Variants in LIPC observed in about 807,000 individuals in gnomAD.
LIPC encodes the protein hepatic triacylglycerol lipase.
Under a neutral mutation model 50.7 loss-of-function variants are expected in LIPC, and 44 were observed. The observed-to-expected ratio is 0.87, with a 90% confidence interval of 0.68 to 1.11. The LOEUF is 1.11. LIPC is among the 50% of genes most tolerant of loss of function. The pLI, the probability that LIPC is intolerant of heterozygous loss-of-function variation, is 0.00. For missense variants in LIPC, 697 were observed against 648.2 expected, an observed-to-expected ratio of 1.08 and a Z score of -0.82; for synonymous variants, 271 against 256.4, an observed-to-expected ratio of 1.06 and a Z score of -0.54.
At chr15:58,454,069 G>A (rs1207561343) in intron 1 of LIPC, among the ~76,000 whole-genome samples, 2 of 152,176 alleles carry the variant, frequency 1.3e-5, no homozygotes, top group African/African-American at 4.8e-5. Flanking sequence ...TAAGTGACAA[G>A]CCCAAGGTCA....
intron 1 of LIPC, chr15:58,436,021 A>G (rs1220825407): frequency 1.3e-5 from 2 of 152,238 alleles, no homozygotes; most frequent in Non-Finnish European, 2.9e-5. Flanking sequence ...TGTAGTAAGT[A>G]TATGTAAGCT....
At chr15:58,567,184 G>A (rs1337746028) in intron 8 of LIPC, among the ~76,000 whole-genome samples, 4 of 140,368 alleles carry the variant, frequency 2.8e-5, no homozygotes, top group Admixed American at 1.5e-4. Context: ...CCTGGCGACA[G>A]AGCGAGACTC....
At chr15:58,477,429 G>A (rs1891038103) in intron 1 of LIPC, among the ~76,000 whole-genome samples, 1 of 152,200 alleles carries the variant, frequency 6.6e-6, no homozygotes, top group South Asian at 2.1e-4. Flanking sequence ...GGACAGAAAT[G>A]AAAAGCACTG....
chr15:58,458,518 C>T (rs1258070742), intron 1 of LIPC, among the ~76,000 whole-genome samples: 1 of 152,232 alleles, frequency 6.6e-6, no homozygotes, highest in Non-Finnish European at 1.5e-5. Context: ...TAGAATGACA[C>T]CACCCAAAGA....
At chr15:58,455,482 T>C (rs1250482947) in intron 1 of LIPC, among the ~76,000 whole-genome samples, 1 of 152,218 alleles carries the variant, frequency 6.6e-6, no homozygotes, top group Admixed American at 6.5e-5. Flanking sequence ...ACTGTCCCAA[T>C]TGTAACTAGC....
intron 1 of LIPC, among the ~76,000 whole-genome samples, chr15:58,484,376 G>A (rs899780488): frequency 5.3e-5 from 8 of 152,186 alleles, no homozygotes; most frequent in Non-Finnish European, 1.0e-4. Flanking sequence ...AAGTGGACAC[G>A]AGCACATCTG....
At chr15:58,517,252 T>C (rs890852082) in intron 1 of LIPC, among the ~76,000 whole-genome samples, 1 of 152,256 alleles carries the variant, frequency 6.6e-6, no homozygotes, top group South Asian at 2.1e-4. Context: ...CCCAATGTTG[T>C]TTTGGTGCCA....
rs570292546 is a variant in LIPC at position 58,536,590 on chromosome 15, C to G, written c.89-1743C>G. Among the ~76,000 whole-genome samples the G allele has an allele frequency of 5.7e-4, 86 of 152,204 alleles. 1 individual carries two copies. The South Asian group carries it at 0.017, about 31-fold the overall frequency. ...TGGCATAGCAGTGCAAGGTGACACC[C>G]CGGCTTCTGACTTAGACAGGAGGGC... On this transcript the variant is annotated intron_variant, in intron 1 of 8. Transcript: ENST00000299022.
At chr15:58,459,798 T>C (rs1223452892) in intron 1 of LIPC, among the ~76,000 whole-genome samples, 1 of 152,188 alleles carries the variant, frequency 6.6e-6, no homozygotes, top group Non-Finnish European at 1.5e-5. Context: ...CCTTACCCCT[T>C]GGGGGAAGGA....
intron 1 of LIPC, among the ~76,000 whole-genome samples, chr15:58,481,697 C>T (rs1421066899): frequency 1.3e-5 from 2 of 152,160 alleles, no homozygotes; most frequent in East Asian, 3.8e-4. Context: ...ACTCGAGAGG[C>T]TGAGGCAGGG....
At chr15:58,505,175 C>G (rs1030597661) in intron 1 of LIPC, among the ~76,000 whole-genome samples, 2 of 152,220 alleles carry the variant, frequency 1.3e-5, no homozygotes, top group Non-Finnish European at 2.9e-5. Context: ...AGGGGAAAGG[C>G]TACCACTCTA....
chr15:58,460,421 G>A (rs1894300942), intron 1 of LIPC, among the ~76,000 whole-genome samples: 1 of 152,166 alleles, frequency 6.6e-6, no homozygotes, highest in Non-Finnish European at 1.5e-5. Flanking sequence ...AGTTAAGGTG[G>A]GCCCTGGGCC....
intron 8 of LIPC, chr15:58,564,098 T>A (rs1894271873): frequency 3.3e-6 from 1 of 301,240 alleles, no homozygotes; most frequent in Admixed American, 4.2e-5. Flanking sequence ...CTTTTTTTTA[T>A]TGTTTGCCCA....
chr15:58,460,043 C>G (rs1356674892), intron 1 of LIPC, among the ~76,000 whole-genome samples: 2 of 152,196 alleles, frequency 1.3e-5, no homozygotes, highest in African/African-American at 4.8e-5. Context: ...TGTATGGGTC[C>G]CGTACTGCAG....
At chr15:58,505,534 C>T (rs1036661944) in intron 1 of LIPC, among the ~76,000 whole-genome samples, 32 of 152,166 alleles carry the variant, frequency 2.1e-4, no homozygotes, top group African/African-American at 7.5e-4. Flanking sequence ...GTGGGACAAA[C>T]ATTTCATGAG....
At chr15:58,506,985 A>C (rs995651324) in intron 1 of LIPC, among the ~76,000 whole-genome samples, 1 of 152,236 alleles carries the variant, frequency 6.6e-6, no homozygotes, top group African/African-American at 2.4e-5. Flanking sequence ...TGCCCAGCGA[A>C]GGGGTAGGGG....
At chr15:58,450,931 T>C (rs1893877865) in intron 1 of LIPC, among the ~76,000 whole-genome samples, 1 of 152,206 alleles carries the variant, frequency 6.6e-6, no homozygotes, top group Non-Finnish European at 1.5e-5. Flanking sequence ...TAGAGGTCTT[T>C]GGAGGCAGAC....
At chr15:58,553,079 A>C (rs1216096695) in intron 6 of LIPC, among the ~76,000 whole-genome samples, 1 of 152,194 alleles carries the variant, frequency 6.6e-6, no homozygotes, top group Non-Finnish European at 1.5e-5. Flanking sequence ...GCATTCACAG[A>C]TGAGGAAATC....
intron 1 of LIPC, chr15:58,456,346 A>G (rs1293087324): frequency 6.6e-6 from 1 of 152,262 alleles, no homozygotes; most frequent in Non-Finnish European, 1.5e-5. Flanking sequence ...GCTCTGTGTG[A>G]TAGTATGATA....
Sources: allele counts gnomAD v4.1 joint callset (sites outside exome capture counted in the v4.1 genomes callset), GRCh38; gene constraint gnomAD v4.1.1; transcripts MANE v1.5; gene names NCBI Gene and HGNC (gene_info 2026-07-23, HGNC 2026-07-21).